SYNE1: variants seen among roughly 807,000 people sequenced by gnomAD.
The protein encoded by SYNE1 is nesprin-1.
In SYNE1, 616 loss-of-function variants were observed where a neutral mutation model predicts 1,111.0. The ratio of observed to expected loss-of-function variants is 0.55; its 90% confidence interval spans 0.52 to 0.59. The LOEUF (loss-of-function observed/expected upper bound fraction) is 0.59. SYNE1 is among the 20% of genes least tolerant of loss of function. The pLI is 0.00. For synonymous variants in SYNE1, 3,855 were observed against 3,825.8 expected, an observed-to-expected ratio of 1.01 and a Z score of -0.28; for missense variants, 10,006 against 10,417.0, an observed-to-expected ratio of 0.96 and a Z score of 1.72.
intron 8 of SYNE1, among the ~76,000 whole-genome samples, chr6:152,509,890 ACT>A (rs2099076290): frequency 6.6e-6 from 1 of 152,172 alleles, no homozygotes; most frequent in Non-Finnish European, 1.5e-5. Context: ...AGGAGCAGAA[ACT>A]CTAAACAATG....
chr6:152,292,400 G>GT (rs2094648266), intron 95 of SYNE1, among the ~76,000 whole-genome samples: 2 of 152,106 alleles, frequency 1.3e-5, no homozygotes, highest in Admixed American at 6.5e-5. Context: ...ACAGAAGGTA[G>GT]TTTTTTACCA....
intron 59 of SYNE1, among the ~76,000 whole-genome samples, chr6:152,370,316 G>A (rs746788700): frequency 2.6e-5 from 4 of 151,976 alleles, no homozygotes; most frequent in Non-Finnish European, 5.9e-5. Context: ...GGAGGGCCTG[G>A]GTCTGACACT....
At chr6:152,217,980 G>T (rs910763084) in intron 121 of SYNE1, among the ~76,000 whole-genome samples, 1 of 152,022 alleles carries the variant, frequency 6.6e-6, no homozygotes, top group Non-Finnish European at 1.5e-5. Context: ...CAGCATTTTG[G>T]GAGGCCTGAC....
chr6:152,620,586 T>C (rs2099673258), intron 3 of SYNE1, among the ~76,000 whole-genome samples: 1 of 152,122 alleles, frequency 6.6e-6, no homozygotes, highest in Non-Finnish European at 1.5e-5. Flanking sequence ...CCAAGTTTAA[T>C]TTTTTTCTCT....
intron 21 of SYNE1, 82 bp from the exon 22 acceptor site, chr6:152,459,012 A>G: frequency 8.2e-6 from 10 of 1,219,662 alleles, no homozygotes; most frequent in Non-Finnish European, 1.2e-5. Context: ...TCTGAGGAAC[A>G]TTTTCTTTAG....
At chr6:152,488,834 C>T (rs146353701) in intron 11 of SYNE1, among the ~76,000 whole-genome samples, 55 of 152,076 alleles carry the variant, frequency 3.6e-4, no homozygotes, top group African/African-American at 1.3e-3. Flanking sequence ...AAACACAGTC[C>T]TGTGGGTTGC....
In SYNE1 at chr6:152,224,653, T is replaced by C; in HGVS notation, c.21363A>G (p.Leu7121=). The stretch of plus-strand genomic sequence containing the variant: ...CAAGCACTGATTTCAGCAGTATCTT[T>C]AATTGTCCAACCTTTTGAAAAAGAC... The part of the protein sequence containing the change: ...WANLDHMVGQ[L]KILLKSVLDQ... Residue 7121 remains leucine (L), a synonymous_variant, in exon 117 of 146, where the codon TTA becomes TTG. Coordinates refer to ENST00000367255, the MANE Select transcript of SYNE1 (RefSeq NM_182961.4). 1.2e-5 allele frequency: 19 copies of C among 1,613,946 alleles called. No homozygotes were observed. Among genetic ancestry groups the C allele is most frequent in the Non-Finnish European group, 1.6e-5 (19 of 1,179,936 alleles).
At chr6:152,231,802 G>GTGTGTGTGTA (rs144601774) in intron 113 of SYNE1, among the ~76,000 whole-genome samples, 1 of 149,626 alleles carries the variant, frequency 6.7e-6, no homozygotes. Context: ...GTGTGTGTGT[G>GTGTGTGTGTA]TATATATATA....
intron 3 of SYNE1, among the ~76,000 whole-genome samples, chr6:152,611,393 A>G (rs966165039): frequency 6.6e-6 from 1 of 152,182 alleles, no homozygotes; most frequent in Non-Finnish European, 1.5e-5. Context: ...ATCAAAGGAG[A>G]CAAAGAAGGT....
rs146128298 is a variant in SYNE1 at position 152,278,119 on chromosome 6, T to G, written c.18543A>C (p.Arg6181Ser). The change falls in exon 98 of 146, where the codon AGA (arginine) becomes AGC (serine). Residue 6181 changes from arginine to serine, a missense_variant. Physicochemically the swap from Arg to Ser is moderately radical, Grantham distance 110. Around this residue, in one of 7 missense-constraint regions of SYNE1, gnomAD observed 2,182 missense variants for 2,287.8 expected, o/e 0.95. Coordinates refer to ENST00000367255, the MANE Select transcript of SYNE1 (RefSeq NM_182961.4). ...TGTTGAGCTGCTTATCATGCAGGGC[T>G]CTCTGCAGCTCCAGCAGGCTCCCCT... ...RLKGSLLELQ[R>S]ALHDKQLNMQ... The G allele has an allele frequency of 2.5e-6, 4 of 1,613,964 alleles. No homozygotes were observed. In the African/African-American group the frequency reaches 5.3e-5, roughly 22 times the overall value.
chr6:152,263,876 T>A (rs62428358), intron 100 of SYNE1, among the ~76,000 whole-genome samples: 28,701 of 152,026 alleles, frequency 0.19, 3,269 homozygotes, highest in South Asian at 0.28. Context: ...ATAAGGCCTA[T>A]AACCCTATCT....
chr6:152,511,613 G>A (rs1360195362), intron 6 of SYNE1: 2 of 1,608,414 alleles, frequency 1.2e-6, no homozygotes, highest in South Asian at 1.1e-5. Context: ...AACAAAGGGA[G>A]AAGATAATAG....
At chr6:152,442,272 T>C in intron 30 of SYNE1, 27 bp from the exon 31 acceptor site, 1 of 1,610,896 alleles carries the variant, frequency 6.2e-7, no homozygotes, top group Non-Finnish European at 8.5e-7. Context: ...AACAGATGGA[T>C]ATAAATTGTG....
At chr6:152,128,242 G>A (rs2054211958) in intron 145 of SYNE1, 1 of 152,206 alleles carries the variant, frequency 6.6e-6, no homozygotes, top group South Asian at 2.1e-4. Context: ...CTTCTAAAGT[G>A]TGTTTAACCT....
chr6:152,187,778 T>G (rs2070651741), intron 128 of SYNE1, among the ~76,000 whole-genome samples: 1 of 151,952 alleles, frequency 6.6e-6, no homozygotes, highest in South Asian at 2.1e-4. Context: ...CAGGCTGGAG[T>G]GCAATGGTGT....
Position 152,334,066 on chromosome 6 carries a change from T to C in SYNE1, c.12736A>G (p.Met4246Val), listed in dbSNP as rs774335120. Residue 4246 changes from methionine (M) to valine (V), a missense_variant, in exon 77 of 146, where the codon ATG becomes GTG. Transcript: ENST00000367255. ...TCTAGGAACACTTCAACAACATTCA[T>C]ACAGTCATGGTAATCTCTTGTTCTC... Reference protein sequence around the residue: ...LQRTRDYHDCMNVVEVFLEKF... With the variant: ...LQRTRDYHDCVNVVEVFLEKF... The C allele has an allele frequency of 5.6e-6, 9 of 1,614,116 alleles. No individual in the cohort carries two copies. The East Asian group carries it at 2.0e-4, about 36-fold the overall frequency.
intron 95 of SYNE1, among the ~76,000 whole-genome samples, chr6:152,292,727 G>T: frequency 6.6e-6 from 1 of 152,136 alleles, no homozygotes; most frequent in Middle Eastern, 3.2e-3. Flanking sequence ...ACCATGCCAT[G>T]CTTTCATAGC....
intron 93 of SYNE1, among the ~76,000 whole-genome samples, chr6:152,299,587 T>C (rs143245176): frequency 4.6e-5 from 7 of 152,266 alleles, no homozygotes; most frequent in Admixed American, 2.0e-4. Flanking sequence ...AGAATGTACT[T>C]GACAAATGGA....
At chr6:152,195,885 C>T (rs140899974) in intron 127 of SYNE1, among the ~76,000 whole-genome samples, 129 of 145,214 alleles carry the variant, frequency 8.9e-4, no homozygotes, top group African/African-American at 3.1e-3. Flanking sequence ...CAATGAGCTC[C>T]CCCTGGCCCC....
Sources: gnomAD v4.1 joint callset for allele counts (sites outside exome capture counted in the v4.1 genomes callset) on GRCh38, gnomAD v4.1.1 for gene constraint, gnomAD v4.1.1 regional missense constraint, MANE v1.5 for transcripts, NCBI Gene and HGNC (gene_info 2026-07-23, HGNC 2026-07-21) for gene names.